Variants in NSL1 observed in about 807,000 individuals in gnomAD.
NSL1 encodes the protein NSL1 component of MIS12 kinetochore complex.
Under a neutral mutation model 25.4 loss-of-function variants are expected in NSL1, and 11 were observed. That is an observed-to-expected ratio of 0.43 (90% CI 0.27 to 0.72). NSL1 has a LOEUF of 0.72. NSL1 is among the 30% of genes least tolerant of loss of function. NSL1 has a pLI of 0.19. For synonymous variants in NSL1, 118 were observed against 120.6 expected (o/e 0.98, Z 0.14); for missense variants, 330 against 342.7 (o/e 0.96, Z 0.29).
Position 212,732,459 on chromosome 1 carries a change from T to C in NSL1, c.*5949A>G. ...TCCTGAGTAGCTGGGATTACAGGCA[T>C]GCGCCACCACGCCCAGCTAATTTTG... is the stretch of plus-strand genomic sequence containing the variant. On this transcript the variant is annotated 3_prime_UTR_variant, in exon 6 of 6. Coordinates refer to ENST00000366977, the MANE Select transcript of NSL1 (RefSeq NM_015471.4). The C allele has an allele frequency of 2.7e-6, 1 of 364,016 alleles. No homozygotes were observed. The highest frequency in any genetic ancestry group is 3.8e-6 in the Non-Finnish European group (1 of 262,244). 22.5% of individuals were successfully genotyped at this position (364,016 alleles called of 1,614,324 possible).
chr1:212,784,599 G>A (rs1447804504), intron 2 of NSL1, 106 bp from the exon 3 acceptor site: 9 of 620,678 alleles, frequency 1.5e-5, no homozygotes, highest in Non-Finnish European at 1.7e-5. Context: ...ACAAAATAAT[G>A]AAGGAAAACA....
intron 4 of NSL1, among the ~76,000 whole-genome samples, chr1:212,752,869 G>A (rs1330556397): frequency 1.4e-5 from 2 of 145,024 alleles, no homozygotes; most frequent in African/African-American, 2.7e-5. Flanking sequence ...CCAAAAGCCT[G>A]CCCAAATTCA....
In NSL1 at chr1:212,730,454, G is replaced by A. The variant is rs530959582; in HGVS notation, c.*7954C>T. The A allele has an allele frequency of 2.0e-6, 2 of 985,250 alleles. No individual in the cohort carries two copies. The highest frequency in any genetic ancestry group is 1.2e-4 in the Admixed American group (2 of 16,258). 61.0% of individuals were successfully genotyped at this position (985,250 alleles called of 1,614,324 possible). On this transcript the variant is annotated 3_prime_UTR_variant, in exon 6 of 6. Coordinates refer to ENST00000366977, the MANE Select transcript of NSL1 (RefSeq NM_015471.4). ...TCTTAAAATCTGCAACTAGGTATGA[G>A]CCCAAAGGCACTGGAGCCATTCTCT... is the stretch of plus-strand genomic sequence containing the variant.
chr1:212,780,405 C>T (rs1446633307), intron 4 of NSL1, among the ~76,000 whole-genome samples: 3 of 150,090 alleles, frequency 2.0e-5, no homozygotes, highest in Admixed American at 2.0e-4. Context: ...AAACCAGAGA[C>T]CTTTGTTCAC....
chr1:212,754,627 A>C (rs1428944488), intron 4 of NSL1, among the ~76,000 whole-genome samples: 1 of 151,966 alleles, frequency 6.6e-6, no homozygotes, highest in East Asian at 1.9e-4. Flanking sequence ...AAATACAAAA[A>C]TTATCCGGGC....
chr1:212,732,106 A>G lies in NSL1; in HGVS notation c.*6302T>C. The G allele has an allele frequency of 1.0e-6, 1 of 982,836 alleles. No individual in the cohort carries two copies. Among genetic ancestry groups the G allele is most frequent in the Non-Finnish European group, 1.2e-6 (1 of 827,910 alleles). The allele number at this position is 982,836 out of a possible 1,614,324, so 60.9% of individuals were successfully genotyped here. On this transcript the variant is annotated 3_prime_UTR_variant, in exon 6 of 6. Coordinates refer to ENST00000366977, the MANE Select transcript of NSL1 (RefSeq NM_015471.4). ...CTATATAAATATTGTTCACTGGAGA[A>G]CTAATTTGTAACCATGATTACATTT...
intron 4 of NSL1, among the ~76,000 whole-genome samples, chr1:212,759,932 TACTGCGC>T (rs1171729745): frequency 6.6e-6 from 1 of 152,144 alleles, no homozygotes; most frequent in Non-Finnish European, 1.5e-5. Context: ...GCAGCAAGGC[TACTGCGC>T]ACTGGCATGT....
chr1:212,775,837 G>A (rs984497610), intron 4 of NSL1, among the ~76,000 whole-genome samples: 3 of 150,240 alleles, frequency 2.0e-5, no homozygotes, highest in African/African-American at 4.9e-5. Context: ...GTTTTTTTTT[G>A]TTTTTTTTGA....
chr1:212,790,694 G>A (rs1032985738), intron 1 of NSL1, among the ~76,000 whole-genome samples: 17 of 151,946 alleles, frequency 1.1e-4, no homozygotes, highest in Admixed American at 9.8e-4. Context: ...AGCCCAAGGC[G>A]GGCGGATCAC....
chr1:212,769,303 C>G (rs1189457714), intron 4 of NSL1, among the ~76,000 whole-genome samples: 1 of 152,074 alleles, frequency 6.6e-6, no homozygotes, highest in African/African-American at 2.4e-5. Context: ...AAGGTCTTCA[C>G]CAAGGCACAT....
chr1:212,771,896 C>CA (rs1239569262), intron 4 of NSL1, among the ~76,000 whole-genome samples: 19 of 152,262 alleles, frequency 1.2e-4, no homozygotes, highest in African/African-American at 4.6e-4. Flanking sequence ...CCACCCAAAT[C>CA]TCATCTTGAA....
At chr1:212,786,417 A>T (rs1023438919) in intron 2 of NSL1, among the ~76,000 whole-genome samples, 2 of 135,408 alleles carry the variant, frequency 1.5e-5, no homozygotes, top group Non-Finnish European at 3.3e-5. Flanking sequence ...ACAATTAGTT[A>T]AAAAAAAAAA....
rs865964114 is a variant in NSL1 at position 212,766,278 on chromosome 1, A to G, written c.499+16094T>C. ...TGAAAGCATTCCCGTTGAGAACTGG[A>G]ACAAGACAAAGATGCCCACTTTCAC... On this transcript the variant is annotated intron_variant, in intron 4 of 5. Coordinates refer to ENST00000366977, the MANE Select transcript of NSL1 (RefSeq NM_015471.4). 13 of 625,272 alleles carry G rather than the reference A, an allele frequency of 2.1e-5. No homozygotes were observed. The Middle Eastern group carries it at 2.3e-3, about 112-fold the overall frequency. The allele number at this position is 625,272 out of a possible 1,614,324, so 38.7% of individuals were successfully genotyped here.
At chr1:212,755,696 G>A (rs767203364) in intron 4 of NSL1, among the ~76,000 whole-genome samples, 1 of 151,694 alleles carries the variant, frequency 6.6e-6, no homozygotes, top group Non-Finnish European at 1.5e-5. Flanking sequence ...AAGATGTGTG[G>A]GATGTGACAG....
Position 212,726,167 on chromosome 1 carries a change from T to C in NSL1, c.*12241A>G, listed in dbSNP as rs1029152661. 6.6e-6 allele frequency: 1 copy of C among 152,196 alleles called. No individual in the cohort carries two copies. Among genetic ancestry groups the C allele is most frequent in the Non-Finnish European group, 1.5e-5 (1 of 68,046 alleles). 9.4% of individuals were successfully genotyped at this position (152,196 alleles called of 1,614,324 possible). A position where few individuals can be genotyped will look rare whatever the true frequency, so the allele number is the denominator to read the frequency against. On this transcript the variant is annotated 3_prime_UTR_variant, in exon 6 of 6. Coordinates refer to ENST00000366977, the MANE Select transcript of NSL1 (RefSeq NM_015471.4). ...CAGACTAGGAATAGATCTAAATATA[T>C]ATTCGATTTTATTAGATGAAAAATG...
intron 4 of NSL1, among the ~76,000 whole-genome samples, chr1:212,770,660 C>T (rs962285215): frequency 6.6e-6 from 1 of 152,136 alleles, no homozygotes; most frequent in Non-Finnish European, 1.5e-5. Flanking sequence ...ATTCCAAAAA[C>T]CTCAAGAGGG....
intron 4 of NSL1, 187 bp downstream of exon 4, chr1:212,782,185 T>C (rs1483086461): frequency 1.4e-6 from 1 of 700,632 alleles, no homozygotes; most frequent in African/African-American, 1.8e-5. Flanking sequence ...CCCCTGGAAT[T>C]CTGAGTCAAT....
rs149120014 is a variant in NSL1, at chr1:212,754,456, C to T, written c.500-14855G>A. Among the ~76,000 whole-genome samples, 191 of 152,056 alleles carry T rather than the reference C, an allele frequency of 1.3e-3. 1 individual carries two copies. The highest frequency in any genetic ancestry group is 4.3e-3 in the African/African-American group (177 of 41,464). On this transcript the variant is annotated intron_variant, in intron 4 of 5. Transcript: ENST00000366977. ...AACCGAGGGCTGAGACAGAGTTTAC[C>T]CACCCTGAAAAGGTGGCTGAAAAAA...
chr1:212,738,288 T>C lies in NSL1; in HGVS notation c.*120A>G. ...CACAGAGATACTATATCTGTATAAATGAATCACTAGTAAAAGAGTTATTTC... is the reference window on the plus strand; with the variant it reads ...CACAGAGATACTATATCTGTATAAACGAATCACTAGTAAAAGAGTTATTTC... On this transcript the variant is annotated 3_prime_UTR_variant, in exon 6 of 6. Coordinates refer to ENST00000366977, the MANE Select transcript of NSL1 (RefSeq NM_015471.4). The C allele has an allele frequency of 1.4e-6, 2 of 1,472,222 alleles. No homozygotes were observed. Among genetic ancestry groups the C allele is most frequent in the Admixed American group, 2.4e-5 (1 of 41,482 alleles). The allele number at this position is 1,472,222 out of a possible 1,614,324, so 91.2% of individuals were successfully genotyped here. A position where few individuals can be genotyped will look rare whatever the true frequency, so the allele number is the denominator to read the frequency against.
Sources: allele counts gnomAD v4.1 joint callset (sites outside exome capture counted in the v4.1 genomes callset), GRCh38; gene constraint gnomAD v4.1.1; transcripts MANE v1.5; gene names NCBI Gene and HGNC (gene_info 2026-07-23, HGNC 2026-07-21).